The following GAS7 variants were observed in gnomAD, a reference collection of about 807,000 sequenced individuals.
GAS7 encodes the protein growth arrest specific 7, also known as growth arrest-specific protein 7.
Under a neutral mutation model 71.1 loss-of-function variants are expected in GAS7, and 28 were observed. The observed-to-expected ratio is 0.39, with a 90% CI of 0.29 to 0.54. The LOEUF is 0.54. GAS7 is among the 20% of genes least tolerant of loss of function. GAS7 has a pLI of 0.62. For missense variants in GAS7, 436 were observed against 627.8 expected (o/e 0.69, Z 3.27); for synonymous variants, 258 against 245.8 (o/e 1.05, Z -0.46).
At chr17:10,001,697 A>G (rs2071274558) in intron 2 of GAS7, among the ~76,000 whole-genome samples, 1 of 152,236 alleles carries the variant, frequency 6.6e-6, no homozygotes, top group Non-Finnish European at 1.5e-5. Context: ...AGCTGCAGGC[A>G]AGACCTTCAG....
intron 1 of GAS7, among the ~76,000 whole-genome samples, chr17:10,075,981 G>C (rs1381047365): frequency 6.6e-6 from 1 of 150,810 alleles, no homozygotes; most frequent in Non-Finnish European, 1.5e-5. Flanking sequence ...ACATGCCTGT[G>C]ATCCCAGCTA....
chr17:9,927,290 T>C (rs113697088), intron 9 of GAS7, among the ~76,000 whole-genome samples: 534 of 116,940 alleles, frequency 4.6e-3, no homozygotes, highest in East Asian at 0.02. Flanking sequence ...CTCTACTACA[T>C]ACACACACAC....
chr17:10,021,943 GT>G (rs1318913510), intron 1 of GAS7, among the ~76,000 whole-genome samples: 5 of 152,076 alleles, frequency 3.3e-5, no homozygotes, highest in African/African-American at 1.2e-4. Context: ...GTCGGCATGG[GT>G]GGGGGGTCAG....
At position 10,184,690 on chromosome 17, in the gene GAS7, C is replaced by T. The variant is rs116835291; in HGVS notation, c.183+13518G>A. Among the ~76,000 whole-genome samples, 532 of 152,238 alleles carry T rather than the reference C, an allele frequency of 3.5e-3. 2 individuals carry two copies. The highest frequency in any genetic ancestry group is 0.012 in the African/African-American group (516 of 41,558). On this transcript the variant is annotated intron_variant, in intron 1 of 13. Coordinates refer to ENST00000432992, the MANE Select transcript of GAS7 (RefSeq NM_201433.2). ...GTCCTGCCACATAGCTCCTCAAACC[C>T]TTGGAATTTCCTGATAGGAATGTTG...
chr17:10,109,781 C>T (rs1333620499), intron 1 of GAS7, among the ~76,000 whole-genome samples: 4 of 151,966 alleles, frequency 2.6e-5, no homozygotes, highest in Non-Finnish European at 4.4e-5. Flanking sequence ...CAGGGCCAGG[C>T]GCGGTGGTAC....
chr17:10,193,005 G>C (rs1274003280), intron 1 of GAS7, among the ~76,000 whole-genome samples: 1 of 152,160 alleles, frequency 6.6e-6, no homozygotes, highest in Non-Finnish European at 1.5e-5. Flanking sequence ...CATTTTGGGT[G>C]ATTTTCATGT....
chr17:10,018,370 A>G (rs2072123073), intron 2 of GAS7, among the ~76,000 whole-genome samples: 1 of 152,194 alleles, frequency 6.6e-6, no homozygotes, highest in Non-Finnish European at 1.5e-5. Flanking sequence ...CATATCCCCT[A>G]GCAACCTGAC....
Position 10,034,204 on chromosome 17 carries a change from C to T in GAS7, c.184-14307G>A, listed in dbSNP as rs1192025911. The T allele has an allele frequency of 3.0e-6, 3 of 985,032 alleles. No individual in the cohort carries two copies. In the African/African-American group the frequency reaches 5.2e-5, roughly 17 times the overall value. The allele number at this position is 985,032 out of a possible 1,614,324, so 61.0% of individuals were successfully genotyped here. A position where few individuals can be genotyped will look rare whatever the true frequency, so the allele number is the denominator to read the frequency against. On this transcript the variant is annotated intron_variant, in intron 1 of 13. Transcript: ENST00000432992. This position sits in a 1 kb window ranked among gnomAD's most constrained non-coding sequence, Gnocchi z 4.4. The stretch of plus-strand genomic sequence containing the variant: ...GCTGGCAGATCTTGAGCAACCTCTT[C>T]CATCTCTGCTGGGAGGCCTCAATTG...
At chr17:9,946,865 G>T (rs199839496) in intron 6 of GAS7, 29 bp downstream of exon 6, 5 of 1,494,664 alleles carry the variant, frequency 3.3e-6, no homozygotes, top group African/African-American at 1.4e-5. Flanking sequence ...CCGGGGTCAC[G>T]CTGTGGGGGA....
Position 10,060,741 on chromosome 17 carries a change from G to A in GAS7, c.184-40844C>T, listed in dbSNP as rs548646997. Among the ~76,000 whole-genome samples, 24 of 152,314 alleles carry A rather than the reference G, an allele frequency of 1.6e-4. No individual in the cohort carries two copies. In the South Asian group the frequency reaches 3.5e-3, roughly 22 times the overall value. On this transcript the variant is annotated intron_variant, in intron 1 of 13. Coordinates refer to ENST00000432992, the MANE Select transcript of GAS7 (RefSeq NM_201433.2). Reference sequence around the variant, plus strand: ...TGGAATTCTCACACGTTGCTCGTGCGAACACAAAATGGTATGGTCCTTCTG... The same window carrying A: ...TGGAATTCTCACACGTTGCTCGTGCAAACACAAAATGGTATGGTCCTTCTG...
chr17:9,950,368 C>T (rs928560146), intron 5 of GAS7, among the ~76,000 whole-genome samples: 12 of 151,926 alleles, frequency 7.9e-5, no homozygotes, highest in Non-Finnish European at 1.6e-4. Context: ...CAAAACTAGC[C>T]AGGTATGGTG....
rs1210402586 is a variant in GAS7, at chr17:10,034,227, T to C, written c.184-14330A>G. The stretch of plus-strand genomic sequence containing the variant: ...TTCCATCTCTGCTGGGAGGCCTCAA[T>C]TGCTTCATCTCTAAAACACGGAAGT... On this transcript the variant is annotated intron_variant, in intron 1 of 13. Coordinates refer to ENST00000432992, the MANE Select transcript of GAS7 (RefSeq NM_201433.2). The surrounding 1 kb of genome is among the most constrained non-coding windows in gnomAD (Gnocchi z 4.4). 4 of 985,058 alleles carry C rather than the reference T, an allele frequency of 4.1e-6. No individual in the cohort carries two copies. The highest frequency in any genetic ancestry group is 3.5e-5 in the African/African-American group (2 of 57,224). The allele number at this position is 985,058 out of a possible 1,614,324, so 61.0% of individuals were successfully genotyped here. A position where few individuals can be genotyped will look rare whatever the true frequency, so the allele number is the denominator to read the frequency against.
At chr17:10,019,716 C>T (rs532093895) in intron 2 of GAS7, 61 bp downstream of exon 2, 3 of 1,524,356 alleles carry the variant, frequency 2.0e-6, no homozygotes, top group African/African-American at 1.4e-5. Context: ...AAAAACGTGC[C>T]CCTCTAGAGA....
intron 10 of GAS7, 86 bp from the exon 11 acceptor site, chr17:9,925,685 G>A (rs534342254): frequency 6.8e-7 from 1 of 1,461,272 alleles, no homozygotes; most frequent in African/African-American, 1.4e-5. Context: ...TCCCTTTGGA[G>A]TCCTTTCGCC....
At chr17:10,172,867 C>A (rs1231332239) in intron 1 of GAS7, among the ~76,000 whole-genome samples, 3 of 152,210 alleles carry the variant, frequency 2.0e-5, no homozygotes, top group African/African-American at 7.2e-5. Flanking sequence ...GGAGGCAGAA[C>A]TGAAGACCAG....
intron 1 of GAS7, among the ~76,000 whole-genome samples, chr17:10,073,409 A>G (rs1426334081): frequency 2.6e-5 from 4 of 152,198 alleles, no homozygotes; most frequent in Non-Finnish European, 4.4e-5. Context: ...CCTGGAAGTC[A>G]GAACACAGGA....
At position 9,969,575 on chromosome 17, in the gene GAS7, C is replaced by G; in HGVS notation, c.471+102G>C. Reference sequence around the variant, plus strand: ...AACCACTTTCTACCTGGGGGCAGAACTGGGCTGCAGCCACCTGGACTCCCA... The same window carrying G: ...AACCACTTTCTACCTGGGGGCAGAAGTGGGCTGCAGCCACCTGGACTCCCA... On this transcript the variant is annotated intron_variant, in intron 4 of 13. Transcript: ENST00000432992. This position sits in a 1 kb window ranked among gnomAD's most constrained non-coding sequence, Gnocchi z 5.5. 1 of 728,730 alleles carries G rather than the reference C, an allele frequency of 1.4e-6. No individual in the cohort carries two copies. Among genetic ancestry groups the G allele is most frequent in the Non-Finnish European group, 2.5e-6 (1 of 403,076 alleles). 45.1% of individuals were successfully genotyped at this position (728,730 alleles called of 1,614,324 possible). A position where few individuals can be genotyped will look rare whatever the true frequency, so the allele number is the denominator to read the frequency against.
chr17:9,973,256 C>CTT (rs34030402), intron 3 of GAS7, among the ~76,000 whole-genome samples: 9 of 142,664 alleles, frequency 6.3e-5, no homozygotes, highest in Admixed American at 2.1e-4. Flanking sequence ...ATAGTAGAAA[C>CTT]TTTTTTTTTT....
At chr17:9,983,717 G>A (rs1597611403) in intron 2 of GAS7, among the ~76,000 whole-genome samples, 1 of 152,154 alleles carries the variant, frequency 6.6e-6, no homozygotes, top group East Asian at 1.9e-4. Flanking sequence ...GTCCTGGGAG[G>A]TGGAGGTTGC....
Sources: gnomAD v4.1 joint callset for allele counts (sites outside exome capture counted in the v4.1 genomes callset) on GRCh38, gnomAD v4.1.1 for gene constraint, Gnocchi (gnomAD v3.1) non-coding constraint, MANE v1.5 for transcripts, NCBI Gene and HGNC (gene_info 2026-07-23, HGNC 2026-07-21) for gene names.